MED27: variants seen among roughly 807,000 people sequenced by gnomAD.
MED27 encodes mediator complex subunit 27.
A neutral mutation model predicts 38.2 loss-of-function variants in MED27; 30 were observed. The ratio of observed to expected loss-of-function variants is 0.79; its 90% confidence interval spans 0.59 to 1.07. The LOEUF (loss-of-function observed/expected upper bound fraction) is 1.07. MED27 is among the 50% of genes least tolerant of loss of function. MED27 has a pLI of 0.00. For synonymous variants in MED27, 122 were observed against 153.5 expected, an observed-to-expected ratio of 0.79 and a Z score of 1.52; for missense variants, 289 against 397.5, an observed-to-expected ratio of 0.73 and a Z score of 2.32.
intron 2 of MED27, among the ~76,000 whole-genome samples, chr9:132,068,839 G>C (rs938557519): frequency 1.3e-5 from 2 of 152,160 alleles, no homozygotes; most frequent in Non-Finnish European, 2.9e-5. Flanking sequence ...GATGGAGTTA[G>C]ATGTCATTGT....
At chr9:132,009,255 C>T (rs2131069264) in intron 3 of MED27, among the ~76,000 whole-genome samples, 1 of 152,324 alleles carries the variant, frequency 6.6e-6, no homozygotes, top group East Asian at 1.9e-4. Flanking sequence ...TTTACAGGCT[C>T]AGCCATTGTT....
intron 6 of MED27, among the ~76,000 whole-genome samples, chr9:131,875,252 T>C (rs1194302266): frequency 6.6e-6 from 1 of 151,778 alleles, no homozygotes; most frequent in Non-Finnish European, 1.5e-5. Context: ...CGGCTGTAAC[T>C]GTGGTGTCTT....
chr9:132,014,534 T>A, intron 2 of MED27, 67 bp from the exon 3 acceptor site: 3 of 1,504,756 alleles, frequency 2.0e-6, no homozygotes, highest in Non-Finnish European at 2.7e-6. Flanking sequence ...CAAATGGTAT[T>A]AAACTAGCAA....
chr9:131,875,352 A>T (rs544763802), intron 6 of MED27, among the ~76,000 whole-genome samples: 51 of 152,316 alleles, frequency 3.3e-4, no homozygotes, highest in African/African-American at 1.2e-3. Context: ...GGGAATGGGT[A>T]GGTCTGTCAT....
chr9:132,064,462 C>G (rs1833767515), intron 2 of MED27, among the ~76,000 whole-genome samples: 1 of 152,224 alleles, frequency 6.6e-6, no homozygotes, highest in African/African-American at 2.4e-5. Context: ...AACAGACCAA[C>G]TGAGTCACGT....
intron 3 of MED27, among the ~76,000 whole-genome samples, chr9:131,963,895 A>G (rs1406247217): frequency 2.6e-5 from 4 of 152,176 alleles, no homozygotes; most frequent in African/African-American, 7.2e-5. Flanking sequence ...TGGGAAACCC[A>G]TAACAGCACT....
chr9:132,075,175 C>G (rs1349998262), intron 2 of MED27, among the ~76,000 whole-genome samples: 1 of 152,094 alleles, frequency 6.6e-6, no homozygotes, highest in African/African-American at 2.4e-5. Flanking sequence ...AGTTGAAAAC[C>G]TTAAGCAAAA....
At chr9:131,957,126 G>C (rs1277227233) in intron 3 of MED27, among the ~76,000 whole-genome samples, 1 of 152,184 alleles carries the variant, frequency 6.6e-6, no homozygotes, top group Non-Finnish European at 1.5e-5. Context: ...CTGTTTAGCA[G>C]TTTCTTATAG....
At chr9:132,053,231 C>A (rs1425995985) in intron 2 of MED27, among the ~76,000 whole-genome samples, 2 of 143,990 alleles carry the variant, frequency 1.4e-5, no homozygotes, top group Non-Finnish European at 3.0e-5. Context: ...CCAGCCTGGG[C>A]GACAGAGCGA....
rs139262101 is a variant in MED27 at position 131,996,332 on chromosome 9, C to A, written c.479+18005G>T. Among the ~76,000 whole-genome samples, 526 of 152,300 alleles carry A rather than the reference C, an allele frequency of 3.5e-3. 2 individuals carry two copies. The highest frequency in any genetic ancestry group is 0.024 in the Middle Eastern group (7 of 294). On this transcript the variant is annotated intron_variant, in intron 3 of 7. Coordinates refer to ENST00000292035, the MANE Select transcript of MED27 (RefSeq NM_004269.4). Reference sequence around the variant, plus strand: ...AAGGCACAGTGATGAGGGGCTCAGACCTGCCAGGGATGAAGTGCTGGGTCT... The same window carrying A: ...AAGGCACAGTGATGAGGGGCTCAGAACTGCCAGGGATGAAGTGCTGGGTCT...
At chr9:131,910,857 A>G (rs1365498713) in intron 4 of MED27, among the ~76,000 whole-genome samples, 1 of 152,132 alleles carries the variant, frequency 6.6e-6, no homozygotes, top group African/African-American at 2.4e-5. Flanking sequence ...ATCGTTCTGC[A>G]TTTTCCTTCG....
At chr9:132,068,105 G>C (rs1018946969) in intron 2 of MED27, among the ~76,000 whole-genome samples, 1 of 152,168 alleles carries the variant, frequency 6.6e-6, no homozygotes. Context: ...CAAGCTAGAA[G>C]AACAAGTGGT....
chr9:131,886,482 A>G (rs999537058), intron 5 of MED27, among the ~76,000 whole-genome samples: 1 of 152,110 alleles, frequency 6.6e-6, no homozygotes, highest in Non-Finnish European at 1.5e-5. Context: ...AAAAACCCTC[A>G]ACAGATCATC....
intron 4 of MED27, among the ~76,000 whole-genome samples, chr9:131,927,358 T>A (rs961243303): frequency 6.6e-6 from 1 of 152,254 alleles, no homozygotes; most frequent in East Asian, 1.9e-4. Flanking sequence ...CCAGTAACTG[T>A]CTTGGCAATT....
intron 1 of MED27, among the ~76,000 whole-genome samples, 176 bp from the exon 2 acceptor site, chr9:132,077,762 A>T (rs1834084990): frequency 6.6e-6 from 1 of 152,126 alleles, no homozygotes; most frequent in Non-Finnish European, 1.5e-5. Flanking sequence ...ACCCTAAATG[A>T]GAGTTTATCT....
chr9:132,013,577 C>T (rs972256195), intron 3 of MED27, among the ~76,000 whole-genome samples: 1 of 152,108 alleles, frequency 6.6e-6, no homozygotes, highest in Admixed American at 6.5e-5. Flanking sequence ...AAGAAGAGCA[C>T]ATATATTACT....
intron 2 of MED27, among the ~76,000 whole-genome samples, chr9:132,020,706 T>G (rs550550812): frequency 6.6e-6 from 1 of 152,312 alleles, no homozygotes; most frequent in Non-Finnish European, 1.5e-5. Flanking sequence ...CAGGCAAGCT[T>G]GTCTGGTATT....
At chr9:131,971,975 A>C (rs1369011730) in intron 3 of MED27, among the ~76,000 whole-genome samples, 2 of 152,208 alleles carry the variant, frequency 1.3e-5, no homozygotes, top group African/African-American at 4.8e-5. Context: ...TGCAGACTAC[A>C]CAGGCAACTG....
chr9:131,897,489 A>G (rs868346592), intron 4 of MED27, among the ~76,000 whole-genome samples: 77 of 152,250 alleles, frequency 5.1e-4, no homozygotes, highest in African/African-American at 1.8e-3. Context: ...ATGCTTGATA[A>G]TACTGGAGCG....
Sources: allele counts gnomAD v4.1 joint callset (sites outside exome capture counted in the v4.1 genomes callset), GRCh38; gene constraint gnomAD v4.1.1; transcripts MANE v1.5; gene names NCBI Gene and HGNC (gene_info 2026-07-23, HGNC 2026-07-21).